RAVER2: variants seen among roughly 807,000 people sequenced by gnomAD.
RAVER2 encodes ribonucleoprotein, PTB binding 2.
A neutral mutation model predicts 78.1 loss-of-function variants in RAVER2; 46 were observed. The observed-to-expected ratio is 0.59, with a 90% CI of 0.46 to 0.75. The LOEUF is 0.75. RAVER2 is among the 30% of genes least tolerant of loss of function. RAVER2 has a pLI of 0.00. For synonymous variants in RAVER2, 311 were observed against 313.3 expected, an observed-to-expected ratio of 0.99 and a Z score of 0.08; for missense variants, 793 against 837.5, an observed-to-expected ratio of 0.95 and a Z score of 0.66.
intron 11 of RAVER2, among the ~76,000 whole-genome samples, chr1:64,816,816 G>A (rs1393661277): frequency 1.3e-5 from 2 of 152,190 alleles, no homozygotes. Flanking sequence ...AGAAAACCTA[G>A]GCAATACCAT....
At chr1:64,825,726 G>C (rs1653991092) in intron 11 of RAVER2, among the ~76,000 whole-genome samples, 1 of 152,196 alleles carries the variant, frequency 6.6e-6, no homozygotes, top group Admixed American at 6.5e-5. Context: ...AAAACTGGCA[G>C]TCAACAAATG....
chr1:64,759,350 G>T (rs1651948265), intron 1 of RAVER2, among the ~76,000 whole-genome samples: 1 of 151,468 alleles, frequency 6.6e-6, no homozygotes, highest in South Asian at 2.1e-4. Context: ...CTCTGGAGTA[G>T]CTGGAACTAC....
At chr1:64,758,946 G>T (rs2100810682) in intron 1 of RAVER2, among the ~76,000 whole-genome samples, 1 of 149,752 alleles carries the variant, frequency 6.7e-6, no homozygotes, top group South Asian at 2.1e-4. Context: ...TTGGAGGAGA[G>T]ATTGTGATTT....
intron 2 of RAVER2, among the ~76,000 whole-genome samples, chr1:64,769,093 A>G (rs888415792): frequency 2.6e-5 from 4 of 152,010 alleles, no homozygotes; most frequent in African/African-American, 9.7e-5. Flanking sequence ...TCTGGGTATT[A>G]GTTTTATATC....
At chr1:64,748,398 C>T (rs1189784404) in intron 1 of RAVER2, among the ~76,000 whole-genome samples, 1 of 152,182 alleles carries the variant, frequency 6.6e-6, no homozygotes, top group Non-Finnish European at 1.5e-5. Flanking sequence ...TGCTACTTCC[C>T]TTGAGGGATA....
At chr1:64,795,676 T>C (rs1260887358) in intron 5 of RAVER2, among the ~76,000 whole-genome samples, 18 of 152,154 alleles carry the variant, frequency 1.2e-4, no homozygotes, top group Admixed American at 1.2e-3. Context: ...ACAGTCTTGC[T>C]AAACTCACTT....
intron 4 of RAVER2, among the ~76,000 whole-genome samples, chr1:64,786,794 A>G (rs904953555): frequency 6.6e-6 from 1 of 152,114 alleles, no homozygotes; most frequent in Non-Finnish European, 1.5e-5. Flanking sequence ...CTCTGTCTCA[A>G]GAAAAAAAAA....
intron 3 of RAVER2, among the ~76,000 whole-genome samples, chr1:64,780,623 G>T (rs1652601209): frequency 6.6e-6 from 1 of 152,156 alleles, no homozygotes; most frequent in Admixed American, 6.5e-5. Context: ...TTTATAGCAT[G>T]AATGTATTTA....
chr1:64,812,713 TC>T, intron 9 of RAVER2, 24 bp from the exon 10 acceptor site: 2 of 1,499,132 alleles, frequency 1.3e-6, no homozygotes, highest in Non-Finnish European at 1.8e-6. Context: ...CATTAAGTAC[TC>T]CCTCCTTTGT....
chr1:64,785,891 A>G (rs187288893), intron 4 of RAVER2, among the ~76,000 whole-genome samples: 4 of 151,442 alleles, frequency 2.6e-5, no homozygotes, highest in Admixed American at 2.6e-4. Context: ...TCAACATATT[A>G]TATAATAACA....
chr1:64,831,836 T>C (rs1654144769), exon 12 of RAVER2: 1 of 152,196 alleles, frequency 6.6e-6, no homozygotes, highest in Non-Finnish European at 1.5e-5. Context: ...AAACTTTTAT[T>C]GGGACGTTGC....
At chr1:64,776,027 A>AG (rs897167967) in intron 2 of RAVER2, among the ~76,000 whole-genome samples, 13 of 151,770 alleles carry the variant, frequency 8.6e-5, no homozygotes, top group Non-Finnish European at 1.6e-4. Flanking sequence ...CTCAAAAAAA[A>AG]AAAAAAAAAA....
At chr1:64,809,588 G>T (rs1181500936) in intron 9 of RAVER2, among the ~76,000 whole-genome samples, 1 of 152,102 alleles carries the variant, frequency 6.6e-6, no homozygotes, top group Non-Finnish European at 1.5e-5. Context: ...ATGATAACCA[G>T]TTTCTGTTTA....
intron 2 of RAVER2, among the ~76,000 whole-genome samples, chr1:64,770,107 C>T (rs1160863239): frequency 1.3e-5 from 2 of 151,940 alleles, no homozygotes; most frequent in African/African-American, 4.8e-5. Flanking sequence ...TTACCTTTCC[C>T]AGTATTTCAA....
chr1:64,830,656 T>C (rs1375414995), intron 11 of RAVER2, among the ~76,000 whole-genome samples, 183 bp from the exon 12 acceptor site: 1 of 152,266 alleles, frequency 6.6e-6, no homozygotes, highest in East Asian at 1.9e-4. Context: ...CCAAAGGCGA[T>C]GTTGATACAG....
At chr1:64,820,238 G>T (rs1422428509) in intron 11 of RAVER2, among the ~76,000 whole-genome samples, 1 of 151,748 alleles carries the variant, frequency 6.6e-6, no homozygotes, top group African/African-American at 2.4e-5. Context: ...TAATTACAAT[G>T]AAATTATGAA....
intron 11 of RAVER2, among the ~76,000 whole-genome samples, chr1:64,827,100 G>A (rs1252994204): frequency 1.3e-5 from 2 of 152,164 alleles, no homozygotes; most frequent in African/African-American, 4.8e-5. Context: ...TCGCATTCCT[G>A]TAAATCGCTA....
intron 6 of RAVER2, among the ~76,000 whole-genome samples, chr1:64,804,084 C>T (rs1653344569): frequency 6.6e-6 from 1 of 152,120 alleles, no homozygotes. Context: ...GTTTTTTCCT[C>T]CTTTGGTCTT....
chr1:64,757,137 G>T (rs1301300510), intron 1 of RAVER2, among the ~76,000 whole-genome samples: 1 of 152,222 alleles, frequency 6.6e-6, no homozygotes, highest in African/African-American at 2.4e-5. Context: ...AGGGTCCTAT[G>T]TCCTTTTGAC....
Sources: gnomAD v4.1 joint callset for allele counts (sites outside exome capture counted in the v4.1 genomes callset) on GRCh38, gnomAD v4.1.1 for gene constraint, MANE v1.5 for transcripts, NCBI Gene and HGNC (gene_info 2026-07-23, HGNC 2026-07-21) for gene names.